CACNA1C: variants seen among roughly 807,000 people sequenced by gnomAD.
CACNA1C encodes voltage-dependent L-type calcium channel subunit alpha-1C.
In CACNA1C, 30 loss-of-function variants were observed where a neutral mutation model predicts 229.0. The ratio of observed to expected loss-of-function variants is 0.13; its 90% CI spans 0.10 to 0.18. The LOEUF is 0.18. CACNA1C is among the 10% of genes least tolerant of loss of function. The pLI, the probability that CACNA1C is intolerant of heterozygous loss-of-function variation, is 1.00. For missense variants in CACNA1C, 1,658 were observed against 2,845.0 expected (o/e 0.58, Z 9.49); for synonymous variants, 1,114 against 1,132.5 (o/e 0.98, Z 0.33).
At chr12:2,333,145 G>A (rs2051989) in intron 3 of CACNA1C, among the ~76,000 whole-genome samples, 33,693 of 152,056 alleles carry the variant, frequency 0.22, 5,932 homozygotes, top group African/African-American at 0.5. Context: ...GTGGAGTGTG[G>A]CACACCTACA....
chr12:2,387,042 G>T (rs751906756), intron 3 of CACNA1C, among the ~76,000 whole-genome samples: 17 of 152,202 alleles, frequency 1.1e-4, no homozygotes, highest in Admixed American at 2.0e-4. Context: ...ACTGACTTTA[G>T]TTATTCCAGG....
chr12:2,171,017 C>T (rs922348441), intron 3 of CACNA1C, among the ~76,000 whole-genome samples: 8 of 152,218 alleles, frequency 5.3e-5, no homozygotes, highest in Non-Finnish European at 7.3e-5. Flanking sequence ...GAGAGATGGC[C>T]TCAGAGCCTG....
chr12:2,681,401 G>A (rs1467897629), intron 42 of CACNA1C, among the ~76,000 whole-genome samples: 1 of 152,220 alleles, frequency 6.6e-6, no homozygotes, highest in Non-Finnish European at 1.5e-5. Context: ...AGGGCATCAA[G>A]CTTCAGCTTG....
intron 1 of CACNA1C, among the ~76,000 whole-genome samples, chr12:2,024,511 G>A (rs1424393836): frequency 6.6e-6 from 1 of 152,136 alleles, no homozygotes; most frequent in Non-Finnish European, 1.5e-5. Flanking sequence ...GCCCATGATG[G>A]CTTCCCACTG....
chr12:2,444,063 T>G (rs912360668), intron 3 of CACNA1C, among the ~76,000 whole-genome samples: 14 of 152,206 alleles, frequency 9.2e-5, no homozygotes, highest in Admixed American at 2.0e-4. Flanking sequence ...GACCCGCTCT[T>G]ACTGGCTCTC....
chr12:2,581,335 C>T (rs1056692043), intron 13 of CACNA1C, among the ~76,000 whole-genome samples: 5 of 152,140 alleles, frequency 3.3e-5, no homozygotes, highest in South Asian at 2.1e-4. Flanking sequence ...AGCAGGTAGC[C>T]GGCAGAGCTA....
intron 3 of CACNA1C, among the ~76,000 whole-genome samples, chr12:2,175,537 G>A (rs1379261576): frequency 1.3e-5 from 2 of 149,688 alleles, no homozygotes; most frequent in Non-Finnish European, 3.0e-5. Context: ...GCCCCTTCCT[G>A]TTGTGACACT....
intron 3 of CACNA1C, among the ~76,000 whole-genome samples, chr12:2,405,817 G>A (rs979316297): frequency 3.3e-5 from 5 of 152,196 alleles, no homozygotes; most frequent in Non-Finnish European, 7.4e-5. Flanking sequence ...GAGACAGAAA[G>A]TGTATTCATT....
intron 30 of CACNA1C, chr12:2,641,663 G>A (rs1299504555): frequency 4.3e-6 from 3 of 700,616 alleles, no homozygotes; most frequent in Non-Finnish European, 5.2e-6. Context: ...TTCATGCTGG[G>A]TGGTAGCAAC....
At chr12:2,408,871 T>G (rs1031552430) in intron 3 of CACNA1C, among the ~76,000 whole-genome samples, 25 of 152,240 alleles carry the variant, frequency 1.6e-4, no homozygotes, top group African/African-American at 6.0e-4. Context: ...AACCTTGCAT[T>G]GATATTTCTA....
At chr12:2,182,238 T>G (rs547209031) in intron 3 of CACNA1C, among the ~76,000 whole-genome samples, 2 of 150,264 alleles carry the variant, frequency 1.3e-5, no homozygotes, top group African/African-American at 4.9e-5. Flanking sequence ...TGTGAGCAAA[T>G]CAGGTAATAC....
chr12:2,431,261 T>C (rs1596060183), intron 3 of CACNA1C, among the ~76,000 whole-genome samples: 2 of 152,178 alleles, frequency 1.3e-5, no homozygotes, highest in Non-Finnish European at 2.9e-5. Flanking sequence ...CCAAAATATC[T>C]GTAGGTAGTT....
At chr12:2,635,341 T>C (rs1203403462) in intron 30 of CACNA1C, among the ~76,000 whole-genome samples, 1 of 152,240 alleles carries the variant, frequency 6.6e-6, no homozygotes, top group Non-Finnish European at 1.5e-5. Context: ...TCTCTTTATC[T>C]ATAGGCAAGC....
intron 3 of CACNA1C, among the ~76,000 whole-genome samples, chr12:2,191,687 C>T (rs1324762972): frequency 6.6e-6 from 1 of 151,842 alleles, no homozygotes; most frequent in Admixed American, 6.6e-5. Flanking sequence ...CACACACGTA[C>T]ACCCAGGCAC....
intron 3 of CACNA1C, among the ~76,000 whole-genome samples, chr12:2,125,959 A>T (rs2089850309): frequency 6.6e-6 from 1 of 152,242 alleles, no homozygotes; most frequent in African/African-American, 2.4e-5. Context: ...CTTTTCACAC[A>T]CACTTGCAAA....
chr12:2,276,357 T>A (rs2154428783), intron 3 of CACNA1C, among the ~76,000 whole-genome samples: 1 of 152,312 alleles, frequency 6.6e-6, no homozygotes, highest in South Asian at 2.1e-4. Flanking sequence ...AATTTCTACC[T>A]TTAGCATTAC....
chr12:2,617,913 A>C (rs2081418503), intron 29 of CACNA1C, among the ~76,000 whole-genome samples: 1 of 152,228 alleles, frequency 6.6e-6, no homozygotes, highest in Non-Finnish European at 1.5e-5. Context: ...AGCTCTGTCC[A>C]TGTCTAGAAA....
rs927801787 is a variant in CACNA1C, at chr12:2,335,214, G to A, written c.478-113762G>A. ...CGGCAGCCTCATCTTGGCTGCTGGC[G>A]ATTTTAGGCTGGGTTCCACAAGTGG... is the stretch of plus-strand genomic sequence containing the variant. On this transcript the variant is annotated intron_variant, in intron 3 of 46. Coordinates refer to ENST00000399655, the MANE Select transcript of CACNA1C (RefSeq NM_000719.7). 5.9e-5 allele frequency among the ~76,000 whole-genome samples: 9 copies of A among 152,234 alleles called. No individual in the cohort carries two copies. In the East Asian group the frequency reaches 1.5e-3, roughly 26 times the overall value.
intron 5 of CACNA1C, among the ~76,000 whole-genome samples, chr12:2,461,193 G>T (rs894274280): frequency 2.6e-5 from 4 of 152,172 alleles, no homozygotes; most frequent in African/African-American, 9.7e-5. Flanking sequence ...GACCATCAGT[G>T]ATCACCGTTA....
Sources: allele counts gnomAD v4.1 joint callset (sites outside exome capture counted in the v4.1 genomes callset), GRCh38; gene constraint gnomAD v4.1.1; transcripts MANE v1.5; gene names NCBI Gene and HGNC (gene_info 2026-07-23, HGNC 2026-07-21).